CDH13: variants seen among roughly 807,000 people sequenced by gnomAD.
CDH13 encodes the protein cadherin 13.
CDH13 carries 24 observed loss-of-function variants against 63.8 expected under a neutral mutation model. The ratio of observed to expected loss-of-function variants is 0.38; its 90% CI spans 0.27 to 0.53. The LOEUF (loss-of-function observed/expected upper bound fraction) is 0.53, where lower values mean the gene tolerates loss of function less well. Among genes scored for constraint, CDH13 ranks in the 20% least tolerant of loss-of-function variants. The pLI is 0.85. For missense variants in CDH13, 1,049 were observed against 903.1 expected, an observed-to-expected ratio of 1.16 and a Z score of -2.07; for synonymous variants, 503 against 355.3, an observed-to-expected ratio of 1.42 and a Z score of -4.67.
At chr16:82,695,004 A>T (rs2030088196) in intron 1 of CDH13, among the ~76,000 whole-genome samples, 1 of 152,058 alleles carries the variant, frequency 6.6e-6, no homozygotes, top group South Asian at 2.1e-4. Flanking sequence ...GTGTGTGGGG[A>T]GGGTGGAGAC....
intron 6 of CDH13, among the ~76,000 whole-genome samples, chr16:83,356,212 A>T (rs199925109): frequency 7.2e-6 from 1 of 138,666 alleles, no homozygotes; most frequent in Admixed American, 7.4e-5. Flanking sequence ...ATTTATTTTC[A>T]TGTGTGTGTG....
intron 6 of CDH13, among the ~76,000 whole-genome samples, chr16:83,453,623 G>T (rs527974190): frequency 1.5e-4 from 23 of 152,274 alleles, no homozygotes; most frequent in Admixed American, 2.6e-4. Flanking sequence ...TATCTGTGGG[G>T]TGTGCGTCTG....
intron 6 of CDH13, among the ~76,000 whole-genome samples, chr16:83,468,974 G>C (rs1187092682): frequency 1.3e-5 from 2 of 152,108 alleles, no homozygotes; most frequent in African/African-American, 4.8e-5. Flanking sequence ...GCCCACCATT[G>C]CTAAAGCGAG....
chr16:83,305,169 G>A (rs572943498), intron 5 of CDH13, among the ~76,000 whole-genome samples: 6 of 152,242 alleles, frequency 3.9e-5, no homozygotes, highest in South Asian at 2.1e-4. Context: ...GAGTTGGTGG[G>A]GCTCTCCTTG....
intron 1 of CDH13, among the ~76,000 whole-genome samples, chr16:82,835,347 T>C (rs989940540): frequency 1.3e-5 from 2 of 152,182 alleles, no homozygotes; most frequent in Non-Finnish European, 2.9e-5. Context: ...ATGCTCCGTA[T>C]AAATCTTGGT....
At chr16:83,725,102 T>G (rs1397654284) in intron 10 of CDH13, among the ~76,000 whole-genome samples, 2 of 152,142 alleles carry the variant, frequency 1.3e-5, no homozygotes, top group Admixed American at 1.3e-4. Context: ...GAAAGTGACA[T>G]TTGAGGTGAA....
chr16:83,688,009 G>A (rs910599841), intron 10 of CDH13, among the ~76,000 whole-genome samples: 2 of 152,100 alleles, frequency 1.3e-5, no homozygotes, highest in African/African-American at 4.8e-5. Flanking sequence ...TAACTTTACA[G>A]TAGAATTCAT....
chr16:82,931,249 A>G (rs966433232), intron 2 of CDH13, among the ~76,000 whole-genome samples: 1 of 152,222 alleles, frequency 6.6e-6, no homozygotes, highest in African/African-American at 2.4e-5. Context: ...TTTTCTCATC[A>G]TGTAATTGAA....
chr16:82,754,604 T>C (rs4506891), intron 1 of CDH13, among the ~76,000 whole-genome samples: 7,228 of 152,274 alleles, frequency 0.047, 182 homozygotes, highest in Middle Eastern at 0.061. Flanking sequence ...CAAAGGAAGA[T>C]GGTAGGGCAT....
chr16:82,757,465 G>A (rs1026469106), intron 1 of CDH13, among the ~76,000 whole-genome samples: 1 of 152,146 alleles, frequency 6.6e-6, no homozygotes, highest in African/African-American at 2.4e-5. Context: ...ACAAATCGAT[G>A]GCTCTGAAAG....
chr16:83,667,600 G>A (rs529767278), intron 8 of CDH13, among the ~76,000 whole-genome samples: 22 of 152,132 alleles, frequency 1.4e-4, no homozygotes, highest in African/African-American at 5.1e-4. Flanking sequence ...CCCTAAAATC[G>A]AAAGAAATAA....
chr16:82,894,607 A>G (rs540561651), intron 2 of CDH13, among the ~76,000 whole-genome samples: 16 of 152,210 alleles, frequency 1.1e-4, no homozygotes, highest in Non-Finnish European at 2.2e-4. Flanking sequence ...GTGCCACTGC[A>G]CTCCAGCCTG....
chr16:83,493,281 A>G (rs1293224840), intron 7 of CDH13, among the ~76,000 whole-genome samples: 1 of 152,234 alleles, frequency 6.6e-6, no homozygotes, highest in African/African-American at 2.4e-5. Flanking sequence ...GTACATTTAC[A>G]CTTTGCCCAC....
intron 1 of CDH13, among the ~76,000 whole-genome samples, chr16:82,648,761 C>G (rs973511071): frequency 2.0e-5 from 3 of 151,874 alleles, no homozygotes; most frequent in Non-Finnish European, 4.4e-5. Flanking sequence ...TGAAAAAGTA[C>G]AAGAAGAAAA....
intron 2 of CDH13, among the ~76,000 whole-genome samples, chr16:83,011,398 C>T (rs895652644): frequency 3.3e-5 from 5 of 152,126 alleles, no homozygotes; most frequent in Admixed American, 2.0e-4. Flanking sequence ...ATTCAATCCC[C>T]AGGGAATTAG....
intron 5 of CDH13, among the ~76,000 whole-genome samples, chr16:83,333,869 T>C (rs1006926486): frequency 6.6e-6 from 1 of 152,210 alleles, no homozygotes; most frequent in Admixed American, 6.5e-5. Context: ...CAATAAATTA[T>C]GTGGCCACTG....
At chr16:83,455,624 G>T (rs2073003406) in intron 6 of CDH13, among the ~76,000 whole-genome samples, 1 of 152,130 alleles carries the variant, frequency 6.6e-6, no homozygotes, top group Non-Finnish European at 1.5e-5. Context: ...AAGGCTTTCT[G>T]GTATCCGTCA....
intron 3 of CDH13, among the ~76,000 whole-genome samples, chr16:83,035,449 C>A (rs1280828842): frequency 1.3e-5 from 2 of 152,176 alleles, no homozygotes; most frequent in African/African-American, 2.4e-5. Context: ...ACTCACGTAA[C>A]CTCCTTAGCA....
chr16:82,929,324 A>G (rs998450505), intron 2 of CDH13, among the ~76,000 whole-genome samples: 8 of 152,030 alleles, frequency 5.3e-5, no homozygotes, highest in African/African-American at 1.9e-4. Context: ...AAGAGACCCC[A>G]GTGAACTCGC....
Sources: gnomAD v4.1 joint callset for allele counts (sites outside exome capture counted in the v4.1 genomes callset) on GRCh38, gnomAD v4.1.1 for gene constraint, MANE v1.5 for transcripts, NCBI Gene and HGNC (gene_info 2026-07-23, HGNC 2026-07-21) for gene names.